The following ZNF804A variants were observed in gnomAD, a reference collection of about 807,000 sequenced individuals.
ZNF804A encodes the protein zinc finger protein 804A.
ZNF804A carries 2 observed loss-of-function variants against 16.5 expected under a neutral mutation model. That is an observed-to-expected ratio of 0.12 (90% CI 0.05 to 0.38). The LOEUF (loss-of-function observed/expected upper bound fraction) is 0.38, where lower values mean the gene tolerates loss of function less well. Ranked by LOEUF, ZNF804A falls within the 10% of genes least tolerant of loss-of-function variation. The pLI, the probability that ZNF804A is intolerant of heterozygous loss-of-function variation, is 0.99. For missense variants in ZNF804A, 1,473 were observed against 1,390.7 expected, an observed-to-expected ratio of 1.06 and a Z score of -0.94; for synonymous variants, 534 against 489.6, an observed-to-expected ratio of 1.09 and a Z score of -1.20.
intron 1 of ZNF804A, among the ~76,000 whole-genome samples, chr2:184,645,105 CAT>C (rs1361814161): frequency 1.3e-5 from 2 of 151,990 alleles, no homozygotes; most frequent in Non-Finnish European, 2.9e-5. Flanking sequence ...CTATAAATGA[CAT>C]AAGCCCATTA....
rs183293809 is a variant in ZNF804A, at chr2:184,907,823, T to G, written c.256-25780T>G. 3.8e-3 allele frequency among the ~76,000 whole-genome samples: 574 copies of G among 152,272 alleles called. 3 individuals are homozygous for G. Among genetic ancestry groups the G allele is most frequent in the African/African-American group, 0.013 (545 of 41,568 alleles). ...GCACATTTTGTAGTTTGAGAAACAT[T>G]GTCATGTTTTTTATTTTGATTTTCC... On this transcript the variant is annotated intron_variant, in intron 2 of 3. Coordinates refer to ENST00000302277, the MANE Select transcript of ZNF804A (RefSeq NM_194250.2).
intron 1 of ZNF804A, among the ~76,000 whole-genome samples, chr2:184,731,727 A>G (rs1693525288): frequency 6.6e-6 from 1 of 151,346 alleles, no homozygotes; most frequent in Non-Finnish European, 1.5e-5. Flanking sequence ...GCGCCACACT[A>G]CCTGGCTATT....
At chr2:184,886,939 GGTTC>G (rs1684900989) in intron 2 of ZNF804A, among the ~76,000 whole-genome samples, 1 of 152,338 alleles carries the variant, frequency 6.6e-6, no homozygotes, top group East Asian at 1.9e-4. Context: ...ATTAACATCA[GGTTC>G]TTTGCTACTT....
intron 1 of ZNF804A, among the ~76,000 whole-genome samples, chr2:184,853,599 C>T (rs1397896004): frequency 1.3e-5 from 2 of 151,658 alleles, no homozygotes; most frequent in Admixed American, 1.3e-4. Context: ...GAGCATTTAT[C>T]ATGAGAGGAT....
At chr2:184,676,681 C>A (rs1039590116) in intron 1 of ZNF804A, among the ~76,000 whole-genome samples, 3 of 150,974 alleles carry the variant, frequency 2.0e-5, no homozygotes, top group Non-Finnish European at 4.4e-5. Flanking sequence ...ATTCTATAAT[C>A]TATTAATAAA....
chr2:184,736,121 C>T (rs1279066983), intron 1 of ZNF804A, among the ~76,000 whole-genome samples: 1 of 152,078 alleles, frequency 6.6e-6, no homozygotes, highest in Non-Finnish European at 1.5e-5. Flanking sequence ...CATTCTAACA[C>T]ATGCACATGC....
chr2:184,922,391 T>TA (rs1212259041), intron 2 of ZNF804A, among the ~76,000 whole-genome samples: 2 of 152,100 alleles, frequency 1.3e-5, no homozygotes, highest in African/African-American at 4.8e-5. Context: ...TTGTCATTTT[T>TA]ATGTCTTTTG....
chr2:184,936,363 G>T lies in ZNF804A; in HGVS notation c.967G>T (p.Asp323Tyr). 6.2e-7 allele frequency: 1 copy of T among 1,613,988 alleles called. No homozygotes were observed. Among genetic ancestry groups the T allele is most frequent in the Non-Finnish European group, 8.5e-7 (1 of 1,179,952 alleles). ...KFQLQLSSDA[D>Y]NCQNSVPLAD... is the part of the protein sequence containing the mutation. ...TCAACTTCAGTTATCTTCTGATGCA[G>T]ATAATTGTCAAAATTCAGTCCCATT... The change falls in exon 4 of 4, where the codon GAT (aspartate) becomes TAT (tyrosine). Residue 323 changes from aspartate to tyrosine, a missense_variant. By Grantham distance (160) the Asp-to-Tyr change is radical. Coordinates refer to ENST00000302277, the MANE Select transcript of ZNF804A (RefSeq NM_194250.2).
At chr2:184,819,982 C>T (rs753613450) in intron 1 of ZNF804A, among the ~76,000 whole-genome samples, 7 of 151,870 alleles carry the variant, frequency 4.6e-5, no homozygotes, top group Admixed American at 6.6e-5. Context: ...TAAATTTTAC[C>T]GGGGGTACAA....
intron 2 of ZNF804A, among the ~76,000 whole-genome samples, chr2:184,898,274 T>C (rs1685120779): frequency 6.6e-6 from 1 of 152,138 alleles, no homozygotes. Flanking sequence ...TCATACTTTG[T>C]ATAAACTGCA....
At chr2:184,874,149 A>G (rs1696017332) in intron 2 of ZNF804A, among the ~76,000 whole-genome samples, 1 of 152,124 alleles carries the variant, frequency 6.6e-6, no homozygotes, top group African/African-American at 2.4e-5. Flanking sequence ...GCAAAATGTA[A>G]TGTTTTCATT....
At chr2:184,643,767 T>A (rs1691832308) in intron 1 of ZNF804A, among the ~76,000 whole-genome samples, 2 of 151,174 alleles carry the variant, frequency 1.3e-5, no homozygotes, top group Non-Finnish European at 3.0e-5. Context: ...TATATACATA[T>A]CAATATATAA....
chr2:184,675,157 T>G (rs1334956935), intron 1 of ZNF804A, among the ~76,000 whole-genome samples: 1 of 151,882 alleles, frequency 6.6e-6, no homozygotes, highest in Non-Finnish European at 1.5e-5. Flanking sequence ...TAGATGCATG[T>G]GTATACCTAC....
chr2:184,900,908 T>C (rs1685170194), intron 2 of ZNF804A, among the ~76,000 whole-genome samples: 1 of 152,188 alleles, frequency 6.6e-6, no homozygotes, highest in African/African-American at 2.4e-5. Flanking sequence ...TGTTAATGAC[T>C]CCCACTTTTT....
intron 2 of ZNF804A, among the ~76,000 whole-genome samples, chr2:184,894,362 ATT>A (rs1427131665): frequency 6.6e-6 from 1 of 152,092 alleles, no homozygotes; most frequent in Admixed American, 6.5e-5. Flanking sequence ...TCATATGAAT[ATT>A]TTGTCTCTGA....
At chr2:184,898,084 C>T (rs6710286) in intron 2 of ZNF804A, among the ~76,000 whole-genome samples, 20,997 of 152,012 alleles carry the variant, frequency 0.14, 1,565 homozygotes, top group Middle Eastern at 0.24. Context: ...AAATCATAAA[C>T]CATTTAAATG....
chr2:184,731,453 G>A (rs568087822), intron 1 of ZNF804A, among the ~76,000 whole-genome samples: 3 of 150,944 alleles, frequency 2.0e-5, no homozygotes, highest in South Asian at 4.2e-4. Flanking sequence ...ATGTTATAGC[G>A]TTGTTTTAAC....
In ZNF804A at chr2:184,598,538, T is replaced by TGCAGGCGCCGAGC. The variant is rs1690987034; in HGVS notation, c.-419_-407dup. On this transcript the variant is annotated 5_prime_UTR_variant, in exon 1 of 4. Coordinates refer to ENST00000302277, the MANE Select transcript of ZNF804A (RefSeq NM_194250.2). The stretch of plus-strand genomic sequence containing the variant: ...GCCTGCCAGCAGCAGCAACTCCGAG[T>TGCAGGCGCCGAGC]GCAGGCGCCGAGCGCGGGGGATGCT... The TGCAGGCGCCGAGC allele has an allele frequency of 6.5e-6, 1 of 154,992 alleles. No individual in the cohort carries two copies. Among genetic ancestry groups the TGCAGGCGCCGAGC allele is most frequent in the Non-Finnish European group, 1.4e-5 (1 of 70,440 alleles). The allele number at this position is 154,992 out of a possible 1,614,324, so 9.6% of individuals were successfully genotyped here.
intron 1 of ZNF804A, among the ~76,000 whole-genome samples, chr2:184,604,711 A>G (rs1267776493): frequency 6.6e-6 from 1 of 152,182 alleles, no homozygotes; most frequent in South Asian, 2.1e-4. Context: ...TTTCCTGACC[A>G]TTGAAGGCAC....
Sources: gnomAD v4.1 joint callset for allele counts (sites outside exome capture counted in the v4.1 genomes callset) on GRCh38, gnomAD v4.1.1 for gene constraint, MANE v1.5 for transcripts, NCBI Gene and HGNC (gene_info 2026-07-23, HGNC 2026-07-21) for gene names.